IDH3G: variants seen among roughly 807,000 people sequenced by gnomAD.
IDH3G encodes the protein isocitrate dehydrogenase [NAD] subunit gamma, mitochondrial.
In IDH3G, 9 loss-of-function variants were observed where a neutral mutation model predicts 26.9. The observed-to-expected ratio is 0.34, with a 90% confidence interval of 0.20 to 0.58. The LOEUF is 0.58. IDH3G is among the 20% of genes least tolerant of loss of function. The pLI, the probability that IDH3G is intolerant of heterozygous loss-of-function variation, is 0.85. For synonymous variants in IDH3G, 181 were observed against 160.0 expected (o/e 1.13, Z -0.99); for missense variants, 250 against 372.8 (o/e 0.67, Z 2.71).
In IDH3G at chrX:153,789,229, G is replaced by T. The variant is rs144997060; in HGVS notation, c.346+483C>A. ...AAATCAGAGCCGTGGGGCCCCACAA[G>T]AGTCAGCTCAGAGGGAGGTAAAAGA... is the stretch of plus-strand genomic sequence containing the variant. On this transcript the variant is annotated intron_variant, in intron 5 of 12. Transcript: ENST00000217901. The T allele has an allele frequency of 1.8e-3, 602 of 341,144 alleles. 3 individuals carry two copies. Among genetic ancestry groups the T allele is most frequent in the African/African-American group, 0.015 (571 of 37,993 alleles). The allele number at this position is 341,144 out of a possible 1,213,427, so 28.1% of individuals were successfully genotyped here.
At position 153,790,828 on chromosome X, in the gene IDH3G, G is replaced by A. The variant is rs1472110177; in HGVS notation, c.105C>T (p.Pro35=). The A allele has an allele frequency of 8.3e-7, 1 of 1,208,578 alleles. No homozygotes were observed. The highest frequency in any genetic ancestry group is 1.8e-5 in the African/African-American group (1 of 56,635). Reference sequence around the variant, plus strand: ...TACTTACTGAAAAGATGTTCCTCGAGGGGACCTCGTGGGCGCCTAGAACCT... The same window carrying A: ...TACTTACTGAAAAGATGTTCCTCGAAGGGACCTCGTGGGCGCCTAGAACCT... The part of the protein sequence containing the change: ...PWEVLGAHEV[P]SRNIFSEQTI... Residue 35 remains proline, a synonymous_variant, in exon 2 of 13, where the codon CCC becomes CCT. Transcript: ENST00000217901.
intron 8 of IDH3G, 32 bp from the exon 9 acceptor site, chrX:153,787,185 T>G (rs374057260): frequency 8.2e-6 from 9 of 1,103,998 alleles, no homozygotes; most frequent in East Asian, 3.0e-5. Flanking sequence ...GACACCAGCT[T>G]GGCCATCGCA....
chrX:153,786,985 C>T (rs782241720), intron 9 of IDH3G, 38 bp from the exon 10 acceptor site: 6 of 1,202,335 alleles, frequency 5.0e-6, no homozygotes, highest in Admixed American at 2.2e-5. Flanking sequence ...GGAGCAGATT[C>T]GGAAGCATGG....
chrX:153,787,303 T>G lies in IDH3G; in HGVS notation c.675-150A>C, dbSNP rs782196035. The stretch of plus-strand genomic sequence containing the variant: ...GGACAGAATCCCACCCCACCTCCCC[T>G]AAGTGTGGGTTCTGGCAAGGCCTCG... On this transcript the variant is annotated intron_variant, in intron 8 of 12. Transcript: ENST00000217901. 2.8e-5 allele frequency: 22 copies of G among 777,516 alleles called. No homozygotes were observed. The East Asian group carries it at 5.4e-4, about 19-fold the overall frequency. 64.1% of individuals were successfully genotyped at this position (777,516 alleles called of 1,213,427 possible). A position where few individuals can be genotyped will look rare whatever the true frequency, so the allele number is the denominator to read the frequency against.
In IDH3G at chrX:153,787,071, C is replaced by T. The variant is rs1188987247; in HGVS notation, c.757G>A (p.Val253Met). ...YPQITFENMI[V>M]DNTTMQLVSR... ...AATACCTGCATGGTGGTGTTATCCACAATCATGTTCTCGAAGGTGATCTGA... is the reference window on the plus strand; with the variant it reads ...AATACCTGCATGGTGGTGTTATCCATAATCATGTTCTCGAAGGTGATCTGA... The change falls in exon 9 of 13, where the codon GTG becomes ATG. Residue 253 changes from valine (V) to methionine (M), a missense_variant. Physicochemically the swap from Val to Met is conservative, Grantham distance 21 (BLOSUM62 1). Coordinates refer to ENST00000217901, the MANE Select transcript of IDH3G (RefSeq NM_004135.4). 1.7e-6 allele frequency: 2 copies of T among 1,208,024 alleles called. No individual in the cohort carries two copies. The highest frequency in any genetic ancestry group is 3.5e-5 in the African/African-American group (2 of 57,427).
Position 153,794,261 on chromosome X carries a change from G to A in IDH3G, c.66C>T (p.Leu22=), listed in dbSNP as rs782685026. The A allele has an allele frequency of 7.5e-6, 9 of 1,197,962 alleles. No individual in the cohort carries two copies. The South Asian group carries it at 1.4e-4, about 19-fold the overall frequency. The change falls in exon 1 of 13, where the codon CTC becomes CTT. Residue 22 remains leucine, a synonymous_variant. Coordinates refer to ENST00000217901, the MANE Select transcript of IDH3G (RefSeq NM_004135.4). ...CCCTGCTCACCTCCCAGGGACGGCA[G>A]AGAAGGGCTGGCCCGAGCACCGCCT... ...AAKAVLGPAL[L]CRPWEVLGAH...
rs1557071436 is a variant in IDH3G, at chrX:153,794,351, G to T, written c.-25C>A. ...TGACGGAAAGTGAGAGCCTCCGCAC[G>T]TCCCGACACGCAGATACCGCTCTCG... is the stretch of plus-strand genomic sequence containing the variant. On this transcript the variant is annotated 5_prime_UTR_variant, in exon 1 of 13. Coordinates refer to ENST00000217901, the MANE Select transcript of IDH3G (RefSeq NM_004135.4). 1.7e-6 allele frequency: 2 copies of T among 1,183,337 alleles called. No homozygotes were observed. The highest frequency in any genetic ancestry group is 6.1e-5 in the East Asian group (2 of 32,726).
At chrX:153,786,098 C>G (rs782760979) in intron 12 of IDH3G, 114 bp downstream of exon 12, 80 of 1,196,465 alleles carry the variant, frequency 6.7e-5, no homozygotes, top group Non-Finnish European at 8.7e-5. Context: ...AAGATGGGGC[C>G]AGATCCAGTA....
chrX:153,790,209 G>A lies in IDH3G; in HGVS notation c.219C>T (p.Val73=). 5.0e-6 allele frequency: 6 copies of A among 1,208,131 alleles called. No individual in the cohort carries two copies. Among genetic ancestry groups the A allele is most frequent in the Non-Finnish European group, 4.5e-6 (4 of 891,858 alleles). The change falls in exon 4 of 13, where the codon GTC becomes GTT. Residue 73 remains valine, a synonymous_variant. Coordinates refer to ENST00000217901, the MANE Select transcript of IDH3G (RefSeq NM_004135.4). ...DGIGPELMLH[V]KSVFRHACVP... ...GAGCTCCATACCTGAAGACGGACTT[G>A]ACATGCAGCATGAGCTCTGGCCCGA...
rs915018512 is a variant in IDH3G at position 153,790,349 on chromosome X, G to A, written c.136-57C>T. 82 of 1,010,949 alleles carry A rather than the reference G, an allele frequency of 8.1e-5. 1 individual carries two copies. In the South Asian group the frequency reaches 1.1e-3, roughly 13 times the overall value. The allele number at this position is 1,010,949 out of a possible 1,213,427, so 83.3% of individuals were successfully genotyped here. A position where few individuals can be genotyped will look rare whatever the true frequency, so the allele number is the denominator to read the frequency against. On this transcript the variant is annotated intron_variant, in intron 3 of 12. Coordinates refer to ENST00000217901, the MANE Select transcript of IDH3G (RefSeq NM_004135.4). ...CGGGGATCCCACATGCCCCCAGCTC[G>A]GCCCCCATGGGCTCAAGCCAATTCC...
chrX:153,794,144 G>A lies in IDH3G; in HGVS notation c.81+102C>T, dbSNP rs2092122473. 9.7e-6 allele frequency: 9 copies of A among 930,348 alleles called. No homozygotes were observed. In the Admixed American group the frequency reaches 2.7e-4, roughly 28 times the overall value. The allele number at this position is 930,348 out of a possible 1,213,427, so 76.7% of individuals were successfully genotyped here. Reference sequence around the variant, plus strand: ...GCGCGAAGCCCTTTCCCCGCCCCTGGTGGGGCCCCTAGCCAATCGGACTCC... The same window carrying A: ...GCGCGAAGCCCTTTCCCCGCCCCTGATGGGGCCCCTAGCCAATCGGACTCC... On this transcript the variant is annotated intron_variant, in intron 1 of 12. Transcript: ENST00000217901.
At chrX:153,788,969 C>T (rs1557069800) in intron 5 of IDH3G, 4 of 272,426 alleles carry the variant, frequency 1.5e-5, no homozygotes, top group Admixed American at 8.1e-5. Context: ...GGAACTGCAT[C>T]TCTGTGATAC....
chrX:153,788,153 G>C lies in IDH3G; in HGVS notation c.347-18C>G. The C allele has an allele frequency of 1.7e-6, 2 of 1,208,328 alleles. No individual in the cohort carries two copies. Among genetic ancestry groups the C allele is most frequent in the Non-Finnish European group, 2.2e-6 (2 of 891,967 alleles). On this transcript the variant is annotated intron_variant, in intron 5 of 12. Transcript: ENST00000217901. ...GATGTTGCCTACAAAACACAACACA[G>C]GCTTAGTGGCACTGCCCATCCCCGC...
chrX:153,791,258 G>A (rs1240844570), intron 1 of IDH3G: 4 of 156,129 alleles, frequency 2.6e-5, no homozygotes, highest in Non-Finnish European at 3.7e-5. Context: ...CAACAGTCAC[G>A]TTATCACTTC....
rs2092093880 is a variant in IDH3G, at chrX:153,787,553, G to A, written c.585C>T (p.Ala195=). ...CATACTCGGCAATGCGCAGGGACTTGGCCTTGGTGATGATCTTCAGGCTCT... is the reference window on the plus strand; with the variant it reads ...CATACTCGGCAATGCGCAGGGACTTAGCCTTGGTGATGATCTTCAGGCTCT... The part of the protein sequence containing the change: ...VVESLKIITK[A]KSLRIAEYAF... The change falls in exon 8 of 13, where the codon GCC becomes GCT. Residue 195 remains alanine, a synonymous_variant. Coordinates refer to ENST00000217901, the MANE Select transcript of IDH3G (RefSeq NM_004135.4). The A allele has an allele frequency of 8.3e-7, 1 of 1,209,684 alleles. No individual in the cohort carries two copies. Among genetic ancestry groups the A allele is most frequent in the Admixed American group, 2.2e-5 (1 of 45,949 alleles).
At chrX:153,792,015 C>A (rs781975051) in intron 1 of IDH3G, among the ~76,000 whole-genome samples, 58 of 112,459 alleles carry the variant, frequency 5.2e-4, no homozygotes, top group African/African-American at 1.8e-3. Flanking sequence ...TTATCAACAT[C>A]TGAAATCATC....
In IDH3G at chrX:153,790,381, C is replaced by T. The variant is rs376684748; in HGVS notation, c.136-89G>A. ...ATGGGCTCAAGCCAATTCCCTTCTT[C>T]CCACTGGCGCTGACCCCACAGGCTG... is the stretch of plus-strand genomic sequence containing the variant. On this transcript the variant is annotated intron_variant, in intron 3 of 12. Transcript: ENST00000217901. 313 of 917,865 alleles carry T rather than the reference C, an allele frequency of 3.4e-4. No individual in the cohort carries two copies. In the African/African-American group the frequency reaches 5.4e-3, roughly 16 times the overall value. 75.6% of individuals were successfully genotyped at this position (917,865 alleles called of 1,213,427 possible). A position where few individuals can be genotyped will look rare whatever the true frequency, so the allele number is the denominator to read the frequency against.
chrX:153,790,692 AG>A (rs1557070281), intron 2 of IDH3G, 117 bp from the exon 3 acceptor site: 28 of 1,050,955 alleles, frequency 2.7e-5, no homozygotes, highest in Non-Finnish European at 3.6e-5. Context: ...CTCCCAGAAG[AG>A]GGGTGGGTAG....
intron 3 of IDH3G, 129 bp from the exon 4 acceptor site, chrX:153,790,421 G>A: frequency 1.2e-6 from 1 of 868,796 alleles, no homozygotes; most frequent in Non-Finnish European, 1.7e-6. Context: ...GTCACAAGGT[G>A]CCAACTTGGG....
Sources: allele counts gnomAD v4.1 joint callset (sites outside exome capture counted in the v4.1 genomes callset), GRCh38; gene constraint gnomAD v4.1.1; transcripts MANE v1.5; gene names NCBI Gene and HGNC (gene_info 2026-07-23, HGNC 2026-07-21).